The following PLEKHD1 variants were observed in gnomAD, a reference collection of about 807,000 sequenced individuals.
PLEKHD1 encodes pleckstrin homology domain-containing family D member 1.
A neutral mutation model predicts 69.2 loss-of-function variants in PLEKHD1; 51 were observed. The ratio of observed to expected loss-of-function variants is 0.74; its 90% CI spans 0.59 to 0.93. The LOEUF is 0.93. Ranked by LOEUF, PLEKHD1 falls within the 40% of genes least tolerant of loss-of-function variation. PLEKHD1 has a pLI of 0.00. For missense variants in PLEKHD1, 584 were observed against 641.0 expected, an observed-to-expected ratio of 0.91 and a Z score of 0.96; for synonymous variants, 236 against 244.7, an observed-to-expected ratio of 0.96 and a Z score of 0.33.
chr14:69,474,703 C>G, the PLEKHD1 span, among the ~76,000 whole-genome samples: 5 of 152,234 alleles, frequency 3.3e-5, no homozygotes, highest in Admixed American at 6.5e-5. Flanking sequence ...CTTTCTCTGA[C>G]TGCAATCCCC....
chr14:69,521,729 G>C (rs1048770121), intron 6 of PLEKHD1, among the ~76,000 whole-genome samples: 1 of 152,184 alleles, frequency 6.6e-6, no homozygotes, highest in Non-Finnish European at 1.5e-5. Context: ...GCACTTTCTA[G>C]TTCTCCTCCA....
chr14:69,469,139 T>C, the PLEKHD1 span, among the ~76,000 whole-genome samples: 1 of 152,162 alleles, frequency 6.6e-6, no homozygotes, highest in African/African-American at 2.4e-5. Context: ...TCGGTCCTCT[T>C]CCTTCCTTTC....
At chr14:69,486,258 T>C (rs1359003639) in intron 1 of PLEKHD1, among the ~76,000 whole-genome samples, 3 of 152,234 alleles carry the variant, frequency 2.0e-5, no homozygotes, top group African/African-American at 4.8e-5. Flanking sequence ...GCTGATGTTC[T>C]GTTCTGATGA....
At chr14:69,485,482 C>T (rs1190641576) in intron 1 of PLEKHD1, among the ~76,000 whole-genome samples, 3 of 152,136 alleles carry the variant, frequency 2.0e-5, no homozygotes, top group African/African-American at 7.2e-5. Flanking sequence ...AACCCCGGGA[C>T]CCCCACTGTC....
chr14:69,491,809 T>A (rs1358469227), intron 1 of PLEKHD1, among the ~76,000 whole-genome samples: 1 of 152,126 alleles, frequency 6.6e-6, no homozygotes, highest in East Asian at 1.9e-4. Flanking sequence ...CTTCTTGGAT[T>A]CCCTAATTCA....
At chr14:69,502,994 G>A in intron 6 of PLEKHD1, 115 bp downstream of exon 6, 1 of 1,292,806 alleles carries the variant, frequency 7.7e-7, no homozygotes, top group Non-Finnish European at 1.1e-6. Context: ...AGATCAGATG[G>A]GGCAGGGCGG....
intron 6 of PLEKHD1, among the ~76,000 whole-genome samples, chr14:69,520,166 C>CAAAAAAAAAA (rs761343645): frequency 2.9e-4 from 6 of 20,508 alleles, no homozygotes; most frequent in South Asian, 2.5e-3. Context: ...GACTCTGTCT[C>CAAAAAAAAAA]AAAAAAAAAA....
At chr14:69,525,393 C>T (rs748024277) in intron 8 of PLEKHD1, among the ~76,000 whole-genome samples, 1 of 151,934 alleles carries the variant, frequency 6.6e-6, no homozygotes, top group Non-Finnish European at 1.5e-5. Context: ...AGGTGGTTCC[C>T]ATGGATATTT....
chr14:69,525,859 T>A, intron 8 of PLEKHD1, 85 bp from the exon 9 acceptor site: 1 of 1,309,882 alleles, frequency 7.6e-7, no homozygotes, highest in Non-Finnish European at 1.0e-6. Context: ...AGTGGGTCAC[T>A]CCCCCAAACG....
intron 7 of PLEKHD1, 132 bp from the exon 8 acceptor site, chr14:69,524,096 CA>C: frequency 1.5e-6 from 1 of 680,894 alleles, no homozygotes; most frequent in Non-Finnish European, 2.5e-6. Context: ...CCCAGCTGTG[CA>C]GAGGGGCTGG....
chr14:69,522,928 ATGTTTGTT>A (rs968344814), intron 7 of PLEKHD1, among the ~76,000 whole-genome samples: 2 of 151,780 alleles, frequency 1.3e-5, no homozygotes, highest in Admixed American at 6.6e-5. Flanking sequence ...ATATATAAAA[ATGTTTGTT>A]TGTTTGTTTG....
chr14:69,501,778 T>C lies in PLEKHD1; in HGVS notation c.455T>C (p.Leu152Pro). 6.4e-7 allele frequency: 1 copy of C among 1,551,566 alleles called. No homozygotes were observed. The highest frequency in any genetic ancestry group is 1.2e-5 in the South Asian group (1 of 84,036). The change falls in exon 5 of 13, where the codon CTG (leucine) becomes CCG (proline). Residue 152 changes from leucine to proline, a missense_variant. Transcript: ENST00000322564. ...CTGGGAGAAGCCATGATCAAAAGCCTGGAGGCCCAGGGGCTGCAGTTGGCT... is the reference window on the plus strand; with the variant it reads ...CTGGGAGAAGCCATGATCAAAAGCCCGGAGGCCCAGGGGCTGCAGTTGGCT... The part of the protein sequence containing the change: ...AQLGEAMIKS[L>P]EAQGLQLAKE...
chr14:69,484,775 A>G lies in PLEKHD1; in HGVS notation c.-191A>G. 2 of 611,036 alleles carry G rather than the reference A, an allele frequency of 3.3e-6. No homozygotes were observed. The highest frequency in any genetic ancestry group is 5.4e-6 in the Non-Finnish European group (2 of 371,250). 37.9% of individuals were successfully genotyped at this position (611,036 alleles called of 1,614,324 possible). A position where few individuals can be genotyped will look rare whatever the true frequency, so the allele number is the denominator to read the frequency against. ...CAATCCGGAGCCCAAGCCGCCGGCT[A>G]CGCGCCCTGCGCCCCCTTGGTGCCG... On this transcript the variant is annotated 5_prime_UTR_variant, in exon 1 of 13. Transcript: ENST00000322564.
intron 8 of PLEKHD1, 54 bp downstream of exon 8, chr14:69,524,376 C>G: frequency 7.0e-7 from 1 of 1,421,686 alleles, no homozygotes. Context: ...TTGGTTGGAC[C>G]ACATGACACT....
At chr14:69,527,391 C>G in intron 11 of PLEKHD1, 59 bp downstream of exon 11, 1 of 1,547,266 alleles carries the variant, frequency 6.5e-7, no homozygotes, top group South Asian at 1.2e-5. Flanking sequence ...AGATGGGATC[C>G]CGGCCCTGTA....
At chr14:69,501,647 C>A in intron 4 of PLEKHD1, 87 bp from the exon 5 acceptor site, 3 of 974,612 alleles carry the variant, frequency 3.1e-6, no homozygotes, top group South Asian at 3.3e-5. Flanking sequence ...AAAACGTATG[C>A]CTTCTCTTTC....
At chr14:69,494,160 C>T (rs983666867) in intron 1 of PLEKHD1, among the ~76,000 whole-genome samples, 4 of 152,136 alleles carry the variant, frequency 2.6e-5, no homozygotes, top group Admixed American at 6.5e-5. Context: ...TATTTACCAC[C>T]ATGTTCTAAG....
chr14:69,527,428 C>G, intron 11 of PLEKHD1, 96 bp downstream of exon 11: 1 of 1,500,664 alleles, frequency 6.7e-7, no homozygotes, highest in Non-Finnish European at 9.0e-7. Flanking sequence ...ACAGGGTCTG[C>G]TAGGCATGAG....
intron 6 of PLEKHD1, among the ~76,000 whole-genome samples, chr14:69,517,154 G>A (rs1020822049): frequency 6.6e-6 from 1 of 151,996 alleles, no homozygotes; most frequent in Non-Finnish European, 1.5e-5. Flanking sequence ...GGGGCAATAC[G>A]AACTGGACTT....
Sources: gnomAD v4.1 joint callset for allele counts (sites outside exome capture counted in the v4.1 genomes callset) on GRCh38, gnomAD v4.1.1 for gene constraint, MANE v1.5 for transcripts, NCBI Gene and HGNC (gene_info 2026-07-23, HGNC 2026-07-21) for gene names.